The following CAPN3 variants were observed in gnomAD, a reference collection of about 807,000 sequenced individuals.
CAPN3 encodes calpain 3.
Under a neutral mutation model 114.0 loss-of-function variants are expected in CAPN3, and 88 were observed. The observed-to-expected ratio is 0.77, with a 90% CI of 0.65 to 0.92. The LOEUF is 0.92. Among genes scored for constraint, CAPN3 ranks in the 40% least tolerant of loss-of-function variants. The probability of loss-of-function intolerance (pLI) is 0.00; values close to 1 mark genes in which losing one functional copy is unlikely to be tolerated. For missense variants in CAPN3, 1,028 were observed against 1,069.0 expected, an observed-to-expected ratio of 0.96 and a Z score of 0.53; for synonymous variants, 386 against 382.9, an observed-to-expected ratio of 1.01 and a Z score of -0.09.
chr15:42,369,542 G>A (rs2052881176), intron 1 of CAPN3, among the ~76,000 whole-genome samples: 7 of 152,058 alleles, frequency 4.6e-5, no homozygotes, highest in Admixed American at 4.6e-4. Flanking sequence ...ATGAAGTATT[G>A]CAGCATGTTT....
At chr15:42,396,517 G>A (rs2053696484) in intron 8 of CAPN3, among the ~76,000 whole-genome samples, 1 of 152,176 alleles carries the variant, frequency 6.6e-6, no homozygotes, top group Admixed American at 6.6e-5. Context: ...TGGGATTACA[G>A]GTGTGAGCCA....
At chr15:42,385,632 G>T (rs367553429) in intron 2 of CAPN3, 3 of 515,026 alleles carry the variant, frequency 5.8e-6, no homozygotes, top group African/African-American at 5.8e-5. Flanking sequence ...ATAAGAAAAC[G>T]TCCCGAGCTC....
intron 23 of CAPN3, 149 bp downstream of exon 23, chr15:42,411,494 G>C (rs2054232416): frequency 1.2e-6 from 1 of 846,170 alleles, no homozygotes. Context: ...AGGCTCAGCA[G>C]GCTCCCAGGA....
intron 1 of CAPN3, among the ~76,000 whole-genome samples, chr15:42,384,142 G>A (rs753431599): frequency 1.1e-4 from 16 of 152,020 alleles, no homozygotes; most frequent in South Asian, 2.1e-4. Context: ...GGCCGGGCGC[G>A]GTGGCTCACA....
intron 6 of CAPN3, among the ~76,000 whole-genome samples, chr15:42,391,666 T>C (rs1010476919): frequency 3.3e-5 from 5 of 152,212 alleles, no homozygotes; most frequent in African/African-American, 1.2e-4. Flanking sequence ...CATGGGACTT[T>C]AGTGATCCTG....
chr15:42,412,139 C>T lies in CAPN3; in HGVS notation c.*366C>T. On this transcript the variant is annotated 3_prime_UTR_variant, in exon 24 of 24. Coordinates refer to ENST00000397163, the MANE Select transcript of CAPN3 (RefSeq NM_000070.3). ...ACTCAGCACCTCCTTGTGCTAGAGC[C>T]CTCCATCACCTTCACGCTGTCCCAC... is the stretch of plus-strand genomic sequence containing the variant. The T allele has an allele frequency of 6.5e-7, 1 of 1,536,038 alleles. No individual in the cohort carries two copies. The highest frequency in any genetic ancestry group is 8.7e-7 in the Non-Finnish European group (1 of 1,146,900).
chr15:42,368,344 C>T (rs1444468483), intron 1 of CAPN3, among the ~76,000 whole-genome samples: 1 of 152,154 alleles, frequency 6.6e-6, no homozygotes, highest in Non-Finnish European at 1.5e-5. Context: ...TATTGGTGAC[C>T]TCCAAGCATA....
intron 2 of CAPN3, chr15:42,385,713 T>C (rs755983518): frequency 3.5e-4 from 182 of 520,806 alleles, no homozygotes; most frequent in Admixed American, 3.5e-3. Context: ...CTGGCCTTCC[T>C]TCCAATACAA....
intron 1 of CAPN3, among the ~76,000 whole-genome samples, chr15:42,376,289 G>T (rs145826148): frequency 0.01 from 1,566 of 152,258 alleles, 90 homozygotes; most frequent in Admixed American, 0.09. Context: ...AAGCAAGGGG[G>T]AATTGTGCTC....
chr15:42,380,752 T>TATATATATATATATATATA (rs1491298329), intron 1 of CAPN3, among the ~76,000 whole-genome samples: 4 of 37,798 alleles, frequency 1.1e-4, no homozygotes, highest in East Asian at 1.7e-3. Context: ...TATATATATA[T>TATATATATATATATATATA]TTTTTTTTTT....
chr15:42,394,997 T>C (rs1595829382), intron 8 of CAPN3, among the ~76,000 whole-genome samples: 1 of 152,208 alleles, frequency 6.6e-6, no homozygotes, highest in Middle Eastern at 3.4e-3. Flanking sequence ...AAGCGCCTCT[T>C]ATTTCGAGAG....
In CAPN3 at chr15:42,410,009, C is replaced by T. The variant is rs755797512; in HGVS notation, c.2115+14C>T. 98 of 1,610,984 alleles carry T rather than the reference C, an allele frequency of 6.1e-5. No homozygotes were observed. Among genetic ancestry groups the T allele is most frequent in the South Asian group, 2.2e-4 (20 of 90,974 alleles). On this transcript the variant is annotated intron_variant, in intron 19 of 23. Transcript: ENST00000397163. ...GCGCTCATGGATGTATCCTTCCTGC[C>T]GCCCCTTCCCGACCCTCTGTCATCA...
chr15:42,411,996 C>T lies in CAPN3; in HGVS notation c.*223C>T. The T allele has an allele frequency of 6.6e-7, 1 of 1,510,048 alleles. No homozygotes were observed. 93.5% of individuals were successfully genotyped at this position (1,510,048 alleles called of 1,614,324 possible). On this transcript the variant is annotated 3_prime_UTR_variant, in exon 24 of 24. Transcript: ENST00000397163. ...AGCAATGAGGTAGGAAGAACAAACC[C>T]TTGTCCCTTTGCCATGTGGAGGAAA...
chr15:42,408,701 TG>T, intron 16 of CAPN3: 1 of 357,872 alleles, frequency 2.8e-6, no homozygotes, highest in Non-Finnish European at 5.5e-6. Flanking sequence ...AGCAGAAAAG[TG>T]GGGCTGACTT....
chr15:42,401,485 C>CCCT lies in CAPN3; in HGVS notation c.1355-154_1355-153insTCC, dbSNP rs1555422043. Among the ~76,000 whole-genome samples, 220 of 127,072 alleles carry CCCT rather than the reference C, an allele frequency of 1.7e-3. 11 individuals carry two copies. Among genetic ancestry groups the CCCT allele is most frequent in the African/African-American group, 5.2e-3 (167 of 31,912 alleles). 83.4% of individuals were successfully genotyped at this position (127,072 alleles called of 152,430 possible). Reference sequence around the variant, plus strand: ...GAATAAAGGTAGCGCCCCCCCCCCCCCCAAATCATTAGAGAAATGCCTGAA... The same window carrying CCCT: ...GAATAAAGGTAGCGCCCCCCCCCCCCCCTCCAAATCATTAGAGAAATGCCTGAA... On this transcript the variant is annotated intron_variant, in intron 10 of 23. Transcript: ENST00000397163.
chr15:42,402,580 G>T, intron 12 of CAPN3: 10 of 1,491,100 alleles, frequency 6.7e-6, no homozygotes, highest in South Asian at 1.3e-5. Flanking sequence ...TGAGTGTGGG[G>T]ATGACACATT....
intron 16 of CAPN3, 54 bp downstream of exon 16, chr15:42,408,378 A>T: frequency 8.9e-7 from 1 of 1,124,816 alleles, no homozygotes; most frequent in Non-Finnish European, 1.4e-6. Context: ...GGGGCTTCCT[A>T]TGCGCTTGGG....
intron 7 of CAPN3, 37 bp from the exon 8 acceptor site, chr15:42,394,219 G>C (rs559422773): frequency 1.3e-6 from 2 of 1,528,712 alleles, no homozygotes; most frequent in Admixed American, 2.0e-5. Context: ...TTTCCAGAGA[G>C]GCTGCAGAGC....
At chr15:42,409,696 A>G (rs1339573825) in intron 17 of CAPN3, 91 bp from the exon 18 acceptor site, 1 of 1,191,964 alleles carries the variant, frequency 8.4e-7, no homozygotes, top group Admixed American at 1.7e-5. Flanking sequence ...GGATTTTACA[A>G]ACACAGCCAG....
Sources: allele counts gnomAD v4.1 joint callset (sites outside exome capture counted in the v4.1 genomes callset), GRCh38; gene constraint gnomAD v4.1.1; transcripts MANE v1.5; gene names NCBI Gene and HGNC (gene_info 2026-07-23, HGNC 2026-07-21).